The following SLC8A1 variants were observed in gnomAD, a reference collection of about 807,000 sequenced individuals.
SLC8A1 encodes the protein sodium/calcium exchanger 1.
In SLC8A1, 18 loss-of-function variants were observed where a neutral mutation model predicts 68.3. That is an observed-to-expected ratio of 0.26 (90% CI 0.18 to 0.39). The LOEUF (loss-of-function observed/expected upper bound fraction) is 0.39. Ranked by LOEUF, SLC8A1 falls within the 10% of genes least tolerant of loss-of-function variation. The pLI, the probability that SLC8A1 is intolerant of heterozygous loss-of-function variation, is 1.00. For missense variants in SLC8A1, 985 were observed against 1,156.7 expected, an observed-to-expected ratio of 0.85 and a Z score of 2.15; for synonymous variants, 475 against 415.5, an observed-to-expected ratio of 1.14 and a Z score of -1.74.
chr2:40,408,695 G>C (rs76885052), intron 2 of SLC8A1, among the ~76,000 whole-genome samples: 21,093 of 152,178 alleles, frequency 0.14, 1,907 homozygotes, highest in Middle Eastern at 0.26. Flanking sequence ...ACACACAACA[G>C]TGGTAAAACA....
intron 2 of SLC8A1, among the ~76,000 whole-genome samples, chr2:40,391,960 G>C (rs371100999): frequency 2.0e-5 from 3 of 151,960 alleles, no homozygotes; most frequent in East Asian, 3.9e-4. Context: ...AAGTATCGAT[G>C]ATCAAATTTG....
intron 1 of SLC8A1, among the ~76,000 whole-genome samples, chr2:40,465,479 C>T (rs80210259): frequency 0.12 from 18,630 of 152,170 alleles, 1,504 homozygotes; most frequent in Middle Eastern, 0.2. Context: ...TGCCTGTTAG[C>T]AAGCATTTAT....
intron 2 of SLC8A1, among the ~76,000 whole-genome samples, chr2:40,270,437 C>T (rs776786704): frequency 2.6e-4 from 40 of 152,346 alleles, no homozygotes; most frequent in Non-Finnish European, 5.0e-4. Flanking sequence ...TGTTCCTTTT[C>T]GGACAATCTA....
intron 5 of SLC8A1, among the ~76,000 whole-genome samples, chr2:40,163,585 A>G (rs1024674608): frequency 4.6e-5 from 7 of 152,192 alleles, no homozygotes; most frequent in African/African-American, 1.4e-4. Flanking sequence ...ACTTGTGCAC[A>G]TTCCAGGCAT....
intron 6 of SLC8A1, among the ~76,000 whole-genome samples, chr2:40,156,338 A>G (rs1051349748): frequency 6.6e-6 from 1 of 151,760 alleles, no homozygotes; most frequent in African/African-American, 2.4e-5. Flanking sequence ...AGTTGGTAAG[A>G]GACAGAACCA....
chr2:40,407,813 G>C (rs767022103), intron 2 of SLC8A1, among the ~76,000 whole-genome samples: 1 of 152,190 alleles, frequency 6.6e-6, no homozygotes, highest in Non-Finnish European at 1.5e-5. Flanking sequence ...TCAGGTAAAG[G>C]AGATGGTCAA....
chr2:40,228,673 A>G (rs906386255), intron 2 of SLC8A1, among the ~76,000 whole-genome samples: 1 of 152,148 alleles, frequency 6.6e-6, no homozygotes, highest in African/African-American at 2.4e-5. Context: ...GGTGGCAGGG[A>G]GCTTTTCTAT....
At chr2:40,379,644 CTT>C (rs34939348) in intron 2 of SLC8A1, among the ~76,000 whole-genome samples, 1 of 146,522 alleles carries the variant, frequency 6.8e-6, no homozygotes, top group Non-Finnish European at 1.5e-5. Flanking sequence ...ATGATTTTGC[CTT>C]TTTTTTTTTC....
At chr2:40,345,621 T>A (rs531911901) in intron 2 of SLC8A1, among the ~76,000 whole-genome samples, 152 of 152,300 alleles carry the variant, frequency 1.0e-3, no homozygotes, top group African/African-American at 3.4e-3. Flanking sequence ...ATATACTTTG[T>A]AATGACCAGA....
chr2:40,377,998 C>A (rs1680472945), intron 2 of SLC8A1, among the ~76,000 whole-genome samples: 1 of 152,088 alleles, frequency 6.6e-6, no homozygotes, highest in Admixed American at 6.6e-5. Context: ...GAAAATTATC[C>A]TGTACTCTTT....
At chr2:40,183,147 ACTCT>A (rs2049961332) in intron 2 of SLC8A1, among the ~76,000 whole-genome samples, 1 of 152,114 alleles carries the variant, frequency 6.6e-6, no homozygotes, top group Non-Finnish European at 1.5e-5. Context: ...GAAAACAATG[ACTCT>A]CAGAGAAGTT....
intron 1 of SLC8A1, among the ~76,000 whole-genome samples, chr2:40,472,172 C>T (rs1339273051): frequency 6.6e-6 from 1 of 152,152 alleles, no homozygotes; most frequent in African/African-American, 2.4e-5. Context: ...GACAACCTTG[C>T]AGTAAACTTA....
At chr2:40,510,018 G>A (rs574791626) in intron 1 of SLC8A1, among the ~76,000 whole-genome samples, 27 of 152,108 alleles carry the variant, frequency 1.8e-4, no homozygotes, top group African/African-American at 5.1e-4. Flanking sequence ...AGTAGAGACC[G>A]GGTTTCACTA....
chr2:40,455,305 C>T (rs116425810), upstream of SLC8A1, among the ~76,000 whole-genome samples: 3,138 of 152,250 alleles, frequency 0.021, 131 homozygotes, highest in Admixed American at 0.096. Flanking sequence ...TTTACTAAAG[C>T]ACTCAATATG....
chr2:40,371,860 A>G (rs1678201464), intron 2 of SLC8A1, among the ~76,000 whole-genome samples: 1 of 152,098 alleles, frequency 6.6e-6, no homozygotes, highest in South Asian at 2.1e-4. Flanking sequence ...CTGCAGCCAG[A>G]CAATACGGTT....
Position 40,430,307 on chromosome 2 carries a change from G to T in SLC8A1, c.-24-3C>A. On this transcript the variant is annotated splice_region_variant and splice_polypyrimidine_tract_variant and intron_variant, in intron 1 of 7. Transcript: ENST00000406785. Reference sequence around the variant, plus strand: ...ACACTTCCAACTGTCACAACCTACTGGTAAAAATAAGATGGGGGAGAGGGC... The same window carrying T: ...ACACTTCCAACTGTCACAACCTACTTGTAAAAATAAGATGGGGGAGAGGGC... 1 of 1,572,374 alleles carries T rather than the reference G, an allele frequency of 6.4e-7. No homozygotes were observed. Among genetic ancestry groups the T allele is most frequent in the Non-Finnish European group, 8.6e-7 (1 of 1,160,882 alleles).
At chr2:40,292,400 C>G (rs1191327358) in intron 2 of SLC8A1, among the ~76,000 whole-genome samples, 1 of 152,074 alleles carries the variant, frequency 6.6e-6, no homozygotes, top group Non-Finnish European at 1.5e-5. Flanking sequence ...AACAGGGACT[C>G]TCACATAGAG....
chr2:40,366,788 G>C (rs897263929), intron 2 of SLC8A1, among the ~76,000 whole-genome samples: 2 of 149,780 alleles, frequency 1.3e-5, no homozygotes, highest in African/African-American at 4.9e-5. Flanking sequence ...TTTCACAAAT[G>C]CCATTTGAAA....
chr2:40,416,525 T>TA (rs953409529), intron 2 of SLC8A1, among the ~76,000 whole-genome samples: 9 of 152,260 alleles, frequency 5.9e-5, no homozygotes, highest in Admixed American at 3.9e-4. Flanking sequence ...TGTCATTTTT[T>TA]AAAAAAATTT....
Sources: allele counts gnomAD v4.1 joint callset (sites outside exome capture counted in the v4.1 genomes callset), GRCh38; gene constraint gnomAD v4.1.1; transcripts MANE v1.5; gene names NCBI Gene and HGNC (gene_info 2026-07-23, HGNC 2026-07-21).